ZNF365: variants seen among roughly 807,000 people sequenced by gnomAD.
The protein encoded by ZNF365 is zinc finger protein 365, also known as protein ZNF365.
In ZNF365, 22 loss-of-function variants were observed where a neutral mutation model predicts 35.0. That is an observed-to-expected ratio of 0.63 (90% CI 0.45 to 0.90). The LOEUF (loss-of-function observed/expected upper bound fraction) is 0.90, where lower values mean the gene tolerates loss of function less well. Among genes scored for constraint, ZNF365 ranks in the 40% least tolerant of loss-of-function variants. ZNF365 has a pLI of 0.00. For synonymous variants in ZNF365, 188 were observed against 196.2 expected (o/e 0.96, Z 0.35); for missense variants, 448 against 500.3 (o/e 0.90, Z 1.00).
At chr10:62,387,352 C>G (rs1396064486) in intron 2 of ZNF365, among the ~76,000 whole-genome samples, 1 of 152,008 alleles carries the variant, frequency 6.6e-6, no homozygotes, top group Admixed American at 6.6e-5. Flanking sequence ...GGATGGCTAC[C>G]AAGATAATGG....
chr10:62,414,725 TG>T (rs1458789964), intron 3 of ZNF365, among the ~76,000 whole-genome samples: 2 of 152,240 alleles, frequency 1.3e-5, no homozygotes, highest in African/African-American at 4.8e-5. Context: ...TGATTTTATT[TG>T]TATTCATAGT....
Position 62,402,313 on chromosome 10 carries a change from G to T in ZNF365, c.*2524G>T. 1 of 985,550 alleles carries T rather than the reference G, an allele frequency of 1.0e-6. No individual in the cohort carries two copies. Among genetic ancestry groups the T allele is most frequent in the Non-Finnish European group, 1.2e-6 (1 of 829,922 alleles). The allele number at this position is 985,550 out of a possible 1,614,324, so 61.1% of individuals were successfully genotyped here. A position where few individuals can be genotyped will look rare whatever the true frequency, so the allele number is the denominator to read the frequency against. On this transcript the variant is annotated 3_prime_UTR_variant, in exon 5 of 5. Coordinates refer to ENST00000395254, the MANE Select transcript of ZNF365 (RefSeq NM_014951.3). ...TAGGTTACAGGTTCTTATCTGCAAG[G>T]TTCAAGTTGCTTAGACATTGTTTTC... is the stretch of plus-strand genomic sequence containing the variant.
At chr10:62,410,121 T>G (rs1839963571) in intron 3 of ZNF365, among the ~76,000 whole-genome samples, 1 of 152,150 alleles carries the variant, frequency 6.6e-6, no homozygotes, top group Non-Finnish European at 1.5e-5. Context: ...GGTTTACTTG[T>G]TTATTGTCTT....
intron 3 of ZNF365, among the ~76,000 whole-genome samples, chr10:62,434,600 T>C (rs555643984): frequency 6.6e-6 from 1 of 152,292 alleles, no homozygotes; most frequent in African/African-American, 2.4e-5. Flanking sequence ...TCAATGACTT[T>C]ACCTACTTGG....
At chr10:62,440,962 G>C (rs544507616) in intron 3 of ZNF365, among the ~76,000 whole-genome samples, 3 of 152,220 alleles carry the variant, frequency 2.0e-5, no homozygotes, top group Admixed American at 6.5e-5. Flanking sequence ...CCTCACAAAA[G>C]AGAAAAGGCC....
chr10:62,417,825 C>A (rs76930008), intron 3 of ZNF365, among the ~76,000 whole-genome samples: 3,304 of 151,692 alleles, frequency 0.022, 122 homozygotes, highest in African/African-American at 0.075. Flanking sequence ...ATTTGCTTTT[C>A]TTAAAAAGAC....
intron 2 of ZNF365, among the ~76,000 whole-genome samples, chr10:62,384,450 A>T (rs2132414045): frequency 6.6e-6 from 1 of 152,330 alleles, no homozygotes; most frequent in East Asian, 1.9e-4. Context: ...TTATATGCTA[A>T]CGTAAATAAC....
At chr10:62,433,348 G>A (rs777313419) in intron 3 of ZNF365, among the ~76,000 whole-genome samples, 3 of 152,096 alleles carry the variant, frequency 2.0e-5, no homozygotes, top group Non-Finnish European at 4.4e-5. Flanking sequence ...TGAATCACCT[G>A]CTTTCAGCTC....
intron 3 of ZNF365, among the ~76,000 whole-genome samples, chr10:62,391,608 G>GTA (rs1471662577): frequency 6.6e-6 from 1 of 152,240 alleles, no homozygotes; most frequent in Non-Finnish European, 1.5e-5. Flanking sequence ...GTATTCCACG[G>GTA]TATATATAAA....
chr10:62,435,905 T>C (rs1250760250), intron 3 of ZNF365, among the ~76,000 whole-genome samples: 1 of 152,204 alleles, frequency 6.6e-6, no homozygotes, highest in Non-Finnish European at 1.5e-5. Flanking sequence ...AAAAATGATA[T>C]TTCAGCATTG....
In ZNF365 at chr10:62,465,033, C is replaced by T. The variant is rs1016628808; in HGVS notation, c.981+5236C>T. Reference sequence around the variant, plus strand: ...CCCGGGTGCAGATGCAGCTGCCCAGCCACCCAGCTACAGCTCCAGATCCAA... The same window carrying T: ...CCCGGGTGCAGATGCAGCTGCCCAGTCACCCAGCTACAGCTCCAGATCCAA... On this transcript the variant is annotated intron_variant, in intron 4 of 4. Transcript: ENST00000395255. Among the ~76,000 whole-genome samples, 12 of 152,296 alleles carry T rather than the reference C, an allele frequency of 7.9e-5. No individual in the cohort carries two copies. The Middle Eastern group carries it at 0.01, about 130-fold the overall frequency.
chr10:62,388,526 T>G lies in ZNF365; in HGVS notation c.874T>G (p.Tyr292Asp), dbSNP rs1284051101. 6.2e-7 allele frequency: 1 copy of G among 1,614,154 alleles called. No homozygotes were observed. Among genetic ancestry groups the G allele is most frequent in the Non-Finnish European group, 8.5e-7 (1 of 1,180,026 alleles). The change falls in exon 3 of 5, where the codon TAT (tyrosine) becomes GAT (aspartate). Residue 292 changes from tyrosine (Y) to aspartate (D), a missense_variant. Physicochemically the swap from Tyr to Asp is radical, Grantham distance 160 (BLOSUM62 -3). This residue lies in a region of ZNF365 where 362 missense variants were observed against 375.7 expected (regional missense o/e 0.96). Coordinates refer to ENST00000395254, the MANE Select transcript of ZNF365 (RefSeq NM_014951.3). Reference protein sequence around the residue: ...VELAEKQLEYYQSQQASGFVR... With the variant: ...VELAEKQLEYDQSQQASGFVR... ...ACTGGCGGAGAAGCAGCTTGAGTAC[T>G]ATCAGAGCCAGCAGGCCTCTGGCTT...
intron 3 of ZNF365, among the ~76,000 whole-genome samples, chr10:62,411,320 G>T (rs1333951590): frequency 6.6e-6 from 1 of 152,060 alleles, no homozygotes; most frequent in African/African-American, 2.4e-5. Context: ...TGTTGCAATT[G>T]CTTTTGGTGT....
rs748310510 is a variant in ZNF365 at position 62,376,564 on chromosome 10, C to G, written c.371C>G (p.Ser124Cys). Residue 124 changes from serine (S) to cysteine (C), a missense_variant, in exon 2 of 5, where the codon TCC (serine) becomes TGC (cysteine). Physicochemically the swap from Ser to Cys is moderately radical, Grantham distance 112. This residue lies in a region of ZNF365 where 362 missense variants were observed against 375.7 expected (regional missense o/e 0.96). Coordinates refer to ENST00000395254, the MANE Select transcript of ZNF365 (RefSeq NM_014951.3). ...PFEVVAERPV[S>C]YVQTYTAMDL... The stretch of plus-strand genomic sequence containing the variant: ...GAGGTGGTGGCAGAGAGGCCTGTGT[C>G]CTATGTGCAGACCTACACTGCCATG... 2 of 1,614,038 alleles carry G rather than the reference C, an allele frequency of 1.2e-6. No homozygotes were observed. Among genetic ancestry groups the G allele is most frequent in the South Asian group, 2.2e-5 (2 of 91,080 alleles).
chr10:62,442,729 A>T (rs1840522001), intron 3 of ZNF365, among the ~76,000 whole-genome samples: 1 of 152,172 alleles, frequency 6.6e-6, no homozygotes, highest in Admixed American at 6.5e-5. Flanking sequence ...TTCTTTTCCA[A>T]CAAGGGAAAA....
At chr10:62,425,862 C>T (rs776789650) in intron 3 of ZNF365, among the ~76,000 whole-genome samples, 1 of 152,138 alleles carries the variant, frequency 6.6e-6, no homozygotes, top group Non-Finnish European at 1.5e-5. Context: ...CTGCTATAGC[C>T]TTCACACTTA....
At chr10:62,420,744 A>C (rs139281976) in intron 3 of ZNF365, among the ~76,000 whole-genome samples, 1 of 151,416 alleles carries the variant, frequency 6.6e-6, no homozygotes, top group Non-Finnish European at 1.5e-5. Context: ...GTATGCACCT[A>C]ATGTCTTCTA....
chr10:62,434,165 C>A (rs1401654619), intron 3 of ZNF365, among the ~76,000 whole-genome samples: 1 of 152,168 alleles, frequency 6.6e-6, no homozygotes, highest in Non-Finnish European at 1.5e-5. Context: ...TTTTAACCAG[C>A]ACCTTGGGTG....
intron 3 of ZNF365, among the ~76,000 whole-genome samples, chr10:62,459,149 G>A (rs1840806889): frequency 6.6e-6 from 1 of 152,238 alleles, no homozygotes; most frequent in African/African-American, 2.4e-5. Context: ...CACATAGATG[G>A]AGGGAGAGCT....
Sources: gnomAD v4.1 joint callset for allele counts (sites outside exome capture counted in the v4.1 genomes callset) on GRCh38, gnomAD v4.1.1 for gene constraint, gnomAD v4.1.1 regional missense constraint, MANE v1.5 for transcripts, NCBI Gene and HGNC (gene_info 2026-07-23, HGNC 2026-07-21) for gene names.